IQCH: variants seen among roughly 807,000 people sequenced by gnomAD.
The protein encoded by IQCH is IQ domain-containing protein H.
In IQCH, 98 loss-of-function variants were observed where a neutral mutation model predicts 117.0. The observed-to-expected ratio is 0.84, with a 90% CI of 0.71 to 0.99. The LOEUF is 0.99. IQCH is among the 50% of genes least tolerant of loss of function. IQCH has a pLI of 0.00. For missense variants in IQCH, 1,102 were observed against 1,243.8 expected (o/e 0.89, Z 1.72); for synonymous variants, 412 against 448.2 (o/e 0.92, Z 1.02).
chr15:67,405,780 G>A lies in IQCH; in HGVS notation c.2097+5475G>A, dbSNP rs565636479. 2.0e-5 allele frequency: 3 copies of A among 152,342 alleles called. No individual in the cohort carries two copies. Among genetic ancestry groups the A allele is most frequent in the Non-Finnish European group, 4.4e-5 (3 of 68,046 alleles). 9.4% of individuals were successfully genotyped at this position (152,342 alleles called of 1,614,324 possible). A position where few individuals can be genotyped will look rare whatever the true frequency, so the allele number is the denominator to read the frequency against. ...TCCTTGCCTTTGTGACTCATACCGT[G>A]TGCTGCCCTTGTGGCAAGCTTTCTG... On this transcript the variant is annotated intron_variant, in intron 14 of 20. Transcript: ENST00000335894. The surrounding 1 kb of genome is among the most constrained non-coding windows in gnomAD (Gnocchi z 4.8).
At chr15:67,495,362 T>TTTTTG (rs1411844893) in intron 20 of IQCH, among the ~76,000 whole-genome samples, 3 of 152,128 alleles carry the variant, frequency 2.0e-5, no homozygotes, top group Non-Finnish European at 4.4e-5. Context: ...TATTTACTGG[T>TTTTTG]TTTTGTTTTG....
chr15:67,340,133 A>G (rs1969078210), intron 5 of IQCH, among the ~76,000 whole-genome samples: 1 of 152,128 alleles, frequency 6.6e-6, no homozygotes, highest in Non-Finnish European at 1.5e-5. Context: ...TTGATTCTTT[A>G]AAAGTGACTC....
rs142479205 is a variant in IQCH at position 67,285,527 on chromosome 15, A to G, written c.387+6015A>G. 6.8e-4 allele frequency among the ~76,000 whole-genome samples: 104 copies of G among 152,282 alleles called. 4 individuals carry two copies. The East Asian group carries it at 0.012, about 18-fold the overall frequency. On this transcript the variant is annotated intron_variant, in intron 4 of 20. Transcript: ENST00000335894. ...CATCTTTGTCATGAAATCTGTGCCC[A>G]TGCCTATGTCCTGAGTGGTATTGCC...
chr15:67,453,838 C>T lies in IQCH; in HGVS notation c.2506-11289C>T, dbSNP rs1385805064. 2.0e-5 allele frequency among the ~76,000 whole-genome samples: 3 copies of T among 152,242 alleles called. No individual in the cohort carries two copies. Among genetic ancestry groups the T allele is most frequent in the Non-Finnish European group, 4.4e-5 (3 of 68,038 alleles). On this transcript the variant is annotated intron_variant, in intron 16 of 20. Coordinates refer to ENST00000335894, the MANE Select transcript of IQCH (RefSeq NM_001031715.3). The surrounding 1 kb of genome is among the most constrained non-coding windows in gnomAD (Gnocchi z 5.8). Reference sequence around the variant, plus strand: ...CCCCCAGAGGTGGCGCCTACAGAGGCAGGCAGGCCTCCTTGAGCTGTGATG... The same window carrying T: ...CCCCCAGAGGTGGCGCCTACAGAGGTAGGCAGGCCTCCTTGAGCTGTGATG...
intron 14 of IQCH, among the ~76,000 whole-genome samples, chr15:67,412,159 T>C (rs2081466623): frequency 6.6e-6 from 1 of 152,228 alleles, no homozygotes; most frequent in South Asian, 2.1e-4. Flanking sequence ...CATGATGGAA[T>C]GAAAATCTGG....
chr15:67,395,322 T>G lies in IQCH; in HGVS notation c.1664T>G (p.Met555Arg), dbSNP rs774781508. The change falls in exon 13 of 21, where the codon ATG becomes AGG. Residue 555 changes from methionine (M) to arginine (R), a missense_variant. By Grantham distance (91) the Met-to-Arg change is moderately conservative (BLOSUM62 -1). This residue lies in a region of IQCH where 650 missense variants were observed against 794.3 expected (regional missense o/e 0.82). Transcript: ENST00000335894. The surrounding 1 kb of genome is among the most constrained non-coding windows in gnomAD (Gnocchi z 4.0). ...KHHMCLATHL[M>R]YSPKAIKRIK... ...CATATGTGCCTGGCCACTCACCTGATGTACAGTCCCAAGGCAATCAAAAGA... is the reference window on the plus strand; with the variant it reads ...CATATGTGCCTGGCCACTCACCTGAGGTACAGTCCCAAGGCAATCAAAAGA... 1.9e-5 allele frequency: 31 copies of G among 1,613,852 alleles called. No individual in the cohort carries two copies. In the Admixed American group the frequency reaches 2.0e-4, roughly 10 times the overall value.
intron 18 of IQCH, among the ~76,000 whole-genome samples, chr15:67,483,423 A>G (rs1199329360): frequency 6.6e-6 from 1 of 152,218 alleles, no homozygotes; most frequent in Non-Finnish European, 1.5e-5. Flanking sequence ...TGGCTGAGGC[A>G]CAAGAATCAT....
rs1362245876 is a variant in IQCH, at chr15:67,432,526, C to G, written c.2505+10949C>G. ...TGGTAAATTCCTGCCCTCTTCCTCA[C>G]AGTATGTTCTGAGAGGCTAAGCAGA... On this transcript the variant is annotated intron_variant, in intron 16 of 20. Transcript: ENST00000335894. This position sits in a 1 kb window ranked among gnomAD's most constrained non-coding sequence, Gnocchi z 5.0. Among the ~76,000 whole-genome samples the G allele has an allele frequency of 2.6e-5, 4 of 152,170 alleles. No individual in the cohort carries two copies. The highest frequency in any genetic ancestry group is 9.7e-5 in the African/African-American group (4 of 41,418).
chr15:67,309,934 T>C (rs1967501510), intron 4 of IQCH, among the ~76,000 whole-genome samples: 1 of 150,348 alleles, frequency 6.7e-6, no homozygotes, highest in Non-Finnish European at 1.5e-5. Context: ...CTATGGAGAA[T>C]ACAGATAATA....
In IQCH at chr15:67,490,571, A is replaced by T. The variant is rs1279508859; in HGVS notation, c.2861+507A>T. Among the ~76,000 whole-genome samples, 1 of 152,186 alleles carries T rather than the reference A, an allele frequency of 6.6e-6. No homozygotes were observed. Among genetic ancestry groups the T allele is most frequent in the Non-Finnish European group, 1.5e-5 (1 of 68,032 alleles). ...TATAAATATAATTGATTAATTACCTAAAATTAATGGGTAAGATTTAGATTT... is the reference window on the plus strand; with the variant it reads ...TATAAATATAATTGATTAATTACCTTAAATTAATGGGTAAGATTTAGATTT... On this transcript the variant is annotated intron_variant, in intron 19 of 20. Coordinates refer to ENST00000335894, the MANE Select transcript of IQCH (RefSeq NM_001031715.3). This position sits in a 1 kb window ranked among gnomAD's most constrained non-coding sequence, Gnocchi z 4.9.
chr15:67,484,725 A>G (rs1376516837), intron 18 of IQCH, among the ~76,000 whole-genome samples: 1 of 151,888 alleles, frequency 6.6e-6, no homozygotes, highest in Non-Finnish European at 1.5e-5. Flanking sequence ...TGGGTGACAG[A>G]GTGAGACTCC....
chr15:67,480,002 C>G lies in IQCH; in HGVS notation c.2799+4184C>G, dbSNP rs150608508. On this transcript the variant is annotated intron_variant, in intron 18 of 20. Transcript: ENST00000335894. ...GTATTTCTCTAATGCTACAGAATAC[C>G]CCCACTGACTTCCTAATGAAATGAA... 7.2e-5 allele frequency among the ~76,000 whole-genome samples: 11 copies of G among 152,260 alleles called. No homozygotes were observed. In the East Asian group the frequency reaches 1.9e-3, roughly 27 times the overall value.
Position 67,287,557 on chromosome 15 carries a change from A to T in IQCH, c.387+8045A>T, listed in dbSNP as rs553824309. ...TCTAGATTTTCCAATTTATTGGCAT[A>T]TAATTCCTCATAGAAGCCACTAATG... is the stretch of plus-strand genomic sequence containing the variant. On this transcript the variant is annotated intron_variant, in intron 4 of 20. Transcript: ENST00000335894. Among the ~76,000 whole-genome samples the T allele has an allele frequency of 4.1e-4, 62 of 152,158 alleles. 2 individuals are homozygous for T.
At chr15:67,313,209 G>A (rs1414282640) in intron 4 of IQCH, among the ~76,000 whole-genome samples, 1 of 152,090 alleles carries the variant, frequency 6.6e-6, no homozygotes, top group East Asian at 1.9e-4. Context: ...TGGCAACTAA[G>A]AGGTCTGAAA....
chr15:67,414,585 C>T (rs2081528218), intron 14 of IQCH, among the ~76,000 whole-genome samples: 1 of 151,470 alleles, frequency 6.6e-6, no homozygotes, highest in Admixed American at 6.6e-5. Flanking sequence ...AGGAGATCTC[C>T]TTTCAAGATT....
At position 67,458,982 on chromosome 15, in the gene IQCH, T is replaced by C. The variant is rs146029661; in HGVS notation, c.2506-6145T>C. ...AAAATTTTCGGCAATATGATAAATA[T>C]ACACAATTCCCTGTTAGCCTCATAG... On this transcript the variant is annotated intron_variant, in intron 16 of 20. Transcript: ENST00000335894. The surrounding 1 kb of genome is among the most constrained non-coding windows in gnomAD (Gnocchi z 4.1). Among the ~76,000 whole-genome samples, 1 of 152,332 alleles carries C rather than the reference T, an allele frequency of 6.6e-6. No individual in the cohort carries two copies. Among genetic ancestry groups the C allele is most frequent in the East Asian group, 1.9e-4 (1 of 5,184 alleles).
intron 4 of IQCH, among the ~76,000 whole-genome samples, chr15:67,318,267 T>A (rs1394433911): frequency 6.6e-6 from 1 of 152,170 alleles, no homozygotes; most frequent in Non-Finnish European, 1.5e-5. Flanking sequence ...TTCTCTTTCT[T>A]TCTCTTCTCC....
rs1385940111 is a variant in IQCH at position 67,422,725 on chromosome 15, T to C, written c.2505+1148T>C. Among the ~76,000 whole-genome samples the C allele has an allele frequency of 6.6e-6, 1 of 152,248 alleles. No homozygotes were observed. Among genetic ancestry groups the C allele is most frequent in the African/African-American group, 2.4e-5 (1 of 41,454 alleles). The stretch of plus-strand genomic sequence containing the variant: ...TGTGCATAGGTATGGTGCTGAGATA[T>C]ACTATTCAGGATAAATCATCTTTAA... On this transcript the variant is annotated intron_variant, in intron 16 of 20. Coordinates refer to ENST00000335894, the MANE Select transcript of IQCH (RefSeq NM_001031715.3). This position sits in a 1 kb window ranked among gnomAD's most constrained non-coding sequence, Gnocchi z 4.7.
chr15:67,416,077 A>T lies in IQCH; in HGVS notation c.2098-854A>T, dbSNP rs749065786. Among the ~76,000 whole-genome samples, 17 of 152,080 alleles carry T rather than the reference A, an allele frequency of 1.1e-4. No individual in the cohort carries two copies. The highest frequency in any genetic ancestry group is 3.4e-4 in the African/African-American group (14 of 41,418). On this transcript the variant is annotated intron_variant, in intron 14 of 20. Transcript: ENST00000335894. The surrounding 1 kb of genome is among the most constrained non-coding windows in gnomAD (Gnocchi z 5.1). ...GACCCTGTCTCAAAAAATTTTTTTT[A>T]AAAATTAAAAAATATATGGAGGTGT... is the stretch of plus-strand genomic sequence containing the variant.
Sources: gnomAD v4.1 joint callset for allele counts (sites outside exome capture counted in the v4.1 genomes callset) on GRCh38, gnomAD v4.1.1 for gene constraint, gnomAD v4.1.1 regional missense constraint, Gnocchi (gnomAD v3.1) non-coding constraint, MANE v1.5 for transcripts, NCBI Gene and HGNC (gene_info 2026-07-23, HGNC 2026-07-21) for gene names.